The following FHIT variants were observed in gnomAD, a reference collection of about 807,000 sequenced individuals.
The protein encoded by FHIT is bis(5'-adenosyl)-triphosphatase.
FHIT carries 19 observed loss-of-function variants against 17.9 expected under a neutral mutation model. The observed-to-expected ratio is 1.06, with a 90% CI of 0.74 to 1.56. FHIT has a LOEUF of 1.56. FHIT is among the 40% of genes most tolerant of loss of function. The pLI is 0.00. For synonymous variants in FHIT, 81 were observed against 69.7 expected (o/e 1.16, Z -0.81); for missense variants, 248 against 189.2 (o/e 1.31, Z -1.82).
chr3:60,997,232 C>T (rs1468887819), intron 3 of FHIT, among the ~76,000 whole-genome samples: 1 of 152,108 alleles, frequency 6.6e-6, no homozygotes, highest in Non-Finnish European at 1.5e-5. Flanking sequence ...GGTGCCTTAC[C>T]CTCTCCTTCA....
At chr3:60,087,317 T>C (rs865858276) in intron 5 of FHIT, among the ~76,000 whole-genome samples, 5 of 152,224 alleles carry the variant, frequency 3.3e-5, no homozygotes, top group Middle Eastern at 3.4e-3. Flanking sequence ...TTAAGGGCCT[T>C]TTTCCCATTG....
chr3:59,829,012 T>C (rs1181232571), intron 8 of FHIT, among the ~76,000 whole-genome samples: 2 of 152,084 alleles, frequency 1.3e-5, no homozygotes, highest in African/African-American at 2.4e-5. Flanking sequence ...ACAATGACTT[T>C]GAAGAAACAA....
chr3:60,713,537 T>C (rs1553705780), intron 4 of FHIT, among the ~76,000 whole-genome samples: 1 of 150,520 alleles, frequency 6.6e-6, no homozygotes, highest in Non-Finnish European at 1.5e-5. Context: ...CTAGCAAGAC[T>C]AATAAAGAAA....
chr3:60,170,377 A>C (rs1208861440), intron 5 of FHIT, among the ~76,000 whole-genome samples: 1 of 152,136 alleles, frequency 6.6e-6, no homozygotes, highest in Non-Finnish European at 1.5e-5. Context: ...TGGTATCCCC[A>C]CTATTTGAGC....
At chr3:60,724,140 C>A (rs1366527445) in intron 4 of FHIT, among the ~76,000 whole-genome samples, 4 of 152,160 alleles carry the variant, frequency 2.6e-5, no homozygotes, top group African/African-American at 7.2e-5. Context: ...AGTCACTACC[C>A]ATTTTCTCCC....
At chr3:60,441,678 G>C (rs2030813294) in intron 5 of FHIT, among the ~76,000 whole-genome samples, 1 of 138,942 alleles carries the variant, frequency 7.2e-6, no homozygotes, top group African/African-American at 2.6e-5. Context: ...TTGAAGAATT[G>C]ATATTTGATG....
intron 5 of FHIT, among the ~76,000 whole-genome samples, chr3:60,048,620 G>A (rs1325468011): frequency 6.6e-6 from 1 of 152,178 alleles, no homozygotes; most frequent in Non-Finnish European, 1.5e-5. Flanking sequence ...ACGCAACGGT[G>A]GGTGAATTGT....
intron 4 of FHIT, chr3:60,732,642 A>T: frequency 9.3e-6 from 4 of 427,824 alleles, no homozygotes; most frequent in Non-Finnish European, 1.8e-5. Context: ...ACCATGGCTG[A>T]TAGTAGGGTG....
intron 5 of FHIT, among the ~76,000 whole-genome samples, chr3:60,349,656 A>G (rs1188812849): frequency 6.6e-6 from 1 of 152,208 alleles, no homozygotes; most frequent in African/African-American, 2.4e-5. Context: ...AAACGTATAT[A>G]TAAGGACTTC....
chr3:60,562,935 A>C (rs2107647117), intron 4 of FHIT, among the ~76,000 whole-genome samples: 1 of 152,308 alleles, frequency 6.6e-6, no homozygotes, highest in South Asian at 2.1e-4. Context: ...AAAGGGAAGA[A>C]CAAGTACAAA....
At chr3:61,097,143 C>G (rs544384855) in intron 2 of FHIT, among the ~76,000 whole-genome samples, 37 of 151,018 alleles carry the variant, frequency 2.5e-4, no homozygotes, top group Non-Finnish European at 4.9e-4. Context: ...CAGCTCCAGT[C>G]TGTACCTCCC....
chr3:59,775,708 T>C (rs1685765097), intron 8 of FHIT, among the ~76,000 whole-genome samples: 1 of 152,218 alleles, frequency 6.6e-6, no homozygotes, highest in Non-Finnish European at 1.5e-5. Context: ...GTTTCCCCTT[T>C]GTCACAGCCA....
intron 3 of FHIT, among the ~76,000 whole-genome samples, chr3:60,917,029 C>T (rs545625905): frequency 6.6e-6 from 1 of 152,164 alleles, no homozygotes; most frequent in African/African-American, 2.4e-5. Context: ...GCCATGGGAA[C>T]ACATTCTTGC....
chr3:60,572,407 T>A (rs2037415937), intron 4 of FHIT, among the ~76,000 whole-genome samples: 1 of 152,306 alleles, frequency 6.6e-6, no homozygotes, highest in African/African-American at 2.4e-5. Context: ...GTTTATAGAA[T>A]ATGTCCATCA....
chr3:60,571,164 C>T (rs565413360), intron 4 of FHIT, among the ~76,000 whole-genome samples: 2 of 151,476 alleles, frequency 1.3e-5, no homozygotes, highest in East Asian at 2.0e-4. Context: ...CCCATCTCCC[C>T]GTCTCTACTA....
intron 8 of FHIT, among the ~76,000 whole-genome samples, chr3:59,769,981 T>C (rs1298524761): frequency 2.0e-5 from 3 of 152,226 alleles, no homozygotes; most frequent in African/African-American, 7.2e-5. Context: ...ATGTTTCAAC[T>C]GCTCTATGCA....
At chr3:60,220,639 T>C (rs1376013749) in intron 5 of FHIT, among the ~76,000 whole-genome samples, 2 of 152,168 alleles carry the variant, frequency 1.3e-5, no homozygotes, top group Non-Finnish European at 2.9e-5. Context: ...CCTTTAAATA[T>C]AACTTCAGTA....
intron 4 of FHIT, among the ~76,000 whole-genome samples, chr3:60,798,098 C>T (rs1463416159): frequency 6.6e-6 from 1 of 152,190 alleles, no homozygotes; most frequent in Admixed American, 6.5e-5. Flanking sequence ...CGACTCTTCT[C>T]TGTCACTGCC....
chr3:60,784,918 C>A (rs1553726480), intron 4 of FHIT, among the ~76,000 whole-genome samples: 2 of 152,168 alleles, frequency 1.3e-5, no homozygotes, highest in Non-Finnish European at 2.9e-5. Context: ...AAAATGGGCA[C>A]TCATTAGACA....
Sources: allele counts gnomAD v4.1 joint callset (sites outside exome capture counted in the v4.1 genomes callset), GRCh38; gene constraint gnomAD v4.1.1; transcripts MANE v1.5; gene names NCBI Gene and HGNC (gene_info 2026-07-23, HGNC 2026-07-21).